The following SLC2A9 variants were observed in gnomAD, a reference collection of about 807,000 sequenced individuals.
The protein encoded by SLC2A9 is solute carrier family 2, facilitated glucose transporter member 9.
Under a neutral mutation model 50.6 loss-of-function variants are expected in SLC2A9, and 39 were observed. The ratio of observed to expected loss-of-function variants is 0.77; its 90% CI spans 0.60 to 1.01. The LOEUF (loss-of-function observed/expected upper bound fraction) is 1.01, where lower values mean the gene tolerates loss of function less well. Ranked by LOEUF, SLC2A9 falls within the 50% of genes least tolerant of loss-of-function variation. SLC2A9 has a pLI of 0.00. For synonymous variants in SLC2A9, 324 were observed against 276.9 expected (o/e 1.17, Z -1.69); for missense variants, 686 against 677.6 (o/e 1.01, Z -0.14).
At chr4:9,882,968 C>T (rs544034866) in intron 10 of SLC2A9, among the ~76,000 whole-genome samples, 1 of 152,258 alleles carries the variant, frequency 6.6e-6, no homozygotes, top group East Asian at 1.9e-4. Flanking sequence ...ATGGGGCTAG[C>T]TTGCTGGAAA....
At chr4:9,870,790 T>G (rs1219304769) in intron 10 of SLC2A9, among the ~76,000 whole-genome samples, 1 of 152,230 alleles carries the variant, frequency 6.6e-6, no homozygotes, top group Non-Finnish European at 1.5e-5. Flanking sequence ...CCATGAGATG[T>G]GGCCCAAGCA....
At chr4:9,825,699 T>C (rs189940638), downstream of SLC2A9, among the ~76,000 whole-genome samples, 5 of 152,308 alleles carry the variant, frequency 3.3e-5, no homozygotes, top group South Asian at 2.1e-4. Flanking sequence ...AGGACTCTAA[T>C]AGTCTGGGGT....
intron 10 of SLC2A9, among the ~76,000 whole-genome samples, chr4:9,856,679 A>T (rs11726476): frequency 0.22 from 33,888 of 152,160 alleles, 4,127 homozygotes; most frequent in Admixed American, 0.37. Flanking sequence ...TCATTGCAGC[A>T]ACTATTCACA....
intron 7 of SLC2A9, among the ~76,000 whole-genome samples, chr4:9,918,878 ACT>A (rs897176854): frequency 2.0e-5 from 3 of 151,804 alleles, no homozygotes; most frequent in African/African-American, 7.3e-5. Context: ...AGGGCAGAAC[ACT>A]CTGAGGATGG....
chr4:9,964,083 T>C (rs1186707744), intron 5 of SLC2A9, among the ~76,000 whole-genome samples: 2 of 151,838 alleles, frequency 1.3e-5, no homozygotes. Flanking sequence ...AATCAGGGAG[T>C]CAACACTGAA....
At chr4:9,939,969 T>C (rs1747829773) in intron 6 of SLC2A9, among the ~76,000 whole-genome samples, 2 of 152,230 alleles carry the variant, frequency 1.3e-5, no homozygotes, top group Admixed American at 1.3e-4. Flanking sequence ...GCACATGTAA[T>C]ATTTATCACG....
chr4:9,896,949 T>C (rs558539604), intron 8 of SLC2A9, among the ~76,000 whole-genome samples: 2 of 152,344 alleles, frequency 1.3e-5, no homozygotes, highest in South Asian at 2.1e-4. Flanking sequence ...TGTTTGAACA[T>C]TGTTACAATC....
chr4:10,030,295 C>G (rs1358126881), intron 1 of SLC2A9, among the ~76,000 whole-genome samples: 1 of 152,024 alleles, frequency 6.6e-6, no homozygotes, highest in Non-Finnish European at 1.5e-5. Flanking sequence ...CATCTATATA[C>G]CAAAAGATCA....
At chr4:9,899,269 G>T (rs1162955994) in intron 8 of SLC2A9, among the ~76,000 whole-genome samples, 5 of 152,236 alleles carry the variant, frequency 3.3e-5, no homozygotes, top group Admixed American at 3.3e-4. Context: ...TTGGATTATT[G>T]TCAAAGTTTT....
chr4:9,919,276 C>T (rs971695079), intron 7 of SLC2A9, among the ~76,000 whole-genome samples: 1 of 152,162 alleles, frequency 6.6e-6, no homozygotes, highest in African/African-American at 2.4e-5. Flanking sequence ...CTGACCCAGG[C>T]GCCTGCTCAA....
intron 5 of SLC2A9, among the ~76,000 whole-genome samples, chr4:9,955,859 G>GCATCTGGATTTTTTTTTTTTTTTTTT (rs1430869229): frequency 7.3e-6 from 1 of 136,634 alleles, no homozygotes; most frequent in African/African-American, 2.8e-5. Context: ...TAGGGCTCAA[G>GCATCTGGATTTTTTTTTTTTTTTTTT]CATCTGGATT....
chr4:9,916,789 A>C (rs1742921278), intron 7 of SLC2A9, among the ~76,000 whole-genome samples: 1 of 152,212 alleles, frequency 6.6e-6, no homozygotes, highest in Admixed American at 6.5e-5. Flanking sequence ...GTTCAAGAAA[A>C]TGAAGGCTTC....
chr4:10,022,559 C>T (rs946757409), upstream of SLC2A9, among the ~76,000 whole-genome samples: 2 of 152,210 alleles, frequency 1.3e-5, no homozygotes, highest in Non-Finnish European at 2.9e-5. Flanking sequence ...TCAATTTTGG[C>T]TAGAACAGTT....
intron 6 of SLC2A9, among the ~76,000 whole-genome samples, chr4:9,940,137 G>A (rs933397407): frequency 1.3e-5 from 2 of 152,324 alleles, no homozygotes; most frequent in Admixed American, 6.5e-5. Flanking sequence ...TACCCTCCCA[G>A]GCTAGTAGAG....
At chr4:9,792,802 C>T (rs1720127092) in intron 3 of SLC2A9, 2 of 134,766 alleles carry the variant, frequency 1.5e-5, no homozygotes, top group African/African-American at 2.9e-5. Context: ...CAGGTCTGAC[C>T]GTTTTTAGCT....
At chr4:9,958,270 G>T (rs1465418656) in intron 5 of SLC2A9, among the ~76,000 whole-genome samples, 4 of 152,156 alleles carry the variant, frequency 2.6e-5, no homozygotes, top group Non-Finnish European at 4.4e-5. Context: ...TCTTAAGAAA[G>T]TACTGCAGGA....
chr4:9,934,559 C>G (rs1163486758), intron 6 of SLC2A9, among the ~76,000 whole-genome samples: 2 of 152,160 alleles, frequency 1.3e-5, no homozygotes, highest in Non-Finnish European at 2.9e-5. Context: ...CCAGCACTAT[C>G]CTAGCCATGA....
At chr4:9,780,132 A>C (rs1320090775) in intron 3 of SLC2A9, 2 of 152,300 alleles carry the variant, frequency 1.3e-5, no homozygotes, top group Non-Finnish European at 2.9e-5. Flanking sequence ...CAGGGGCCAC[A>C]GGGAGCTGAT....
intron 7 of SLC2A9, among the ~76,000 whole-genome samples, chr4:9,913,761 T>A (rs1000875895): frequency 2.0e-5 from 3 of 152,212 alleles, no homozygotes; most frequent in Non-Finnish European, 4.4e-5. Flanking sequence ...GGGTTGCTCC[T>A]TCTGCCTGTG....
Sources: allele counts gnomAD v4.1 joint callset (sites outside exome capture counted in the v4.1 genomes callset), GRCh38; gene constraint gnomAD v4.1.1; transcripts MANE v1.5; gene names NCBI Gene and HGNC (gene_info 2026-07-23, HGNC 2026-07-21).